The following XKR4 variants were observed in gnomAD, a reference collection of about 807,000 sequenced individuals.
XKR4 encodes XK-related protein 4.
XKR4 carries 12 observed loss-of-function variants against 53.9 expected under a neutral mutation model. The observed-to-expected ratio is 0.22, with a 90% CI of 0.14 to 0.36. XKR4 has a LOEUF of 0.36. Ranked by LOEUF, XKR4 falls within the 10% of genes least tolerant of loss-of-function variation. The pLI is 1.00. For synonymous variants in XKR4, 354 were observed against 362.4 expected (o/e 0.98, Z 0.26); for missense variants, 799 against 859.5 (o/e 0.93, Z 0.88).
intron 2 of XKR4, among the ~76,000 whole-genome samples, chr8:55,488,937 C>CAA (rs1178202704): frequency 0.18 from 162 of 912 alleles, 67 homozygotes; most frequent in Non-Finnish European, 0.23. Context: ...GACTCCGTTT[C>CAA]AAAAAAAAAA....
chr8:55,510,340 G>A (rs538371452), intron 2 of XKR4, among the ~76,000 whole-genome samples: 13 of 152,288 alleles, frequency 8.5e-5, no homozygotes, highest in Non-Finnish European at 1.9e-4. Flanking sequence ...GCGGGAAGGC[G>A]CAATTCTGGA....
chr8:55,146,864 A>T (rs1182929338), intron 1 of XKR4, among the ~76,000 whole-genome samples: 2 of 152,188 alleles, frequency 1.3e-5, no homozygotes, highest in Admixed American at 6.5e-5. Flanking sequence ...CTTGATACAG[A>T]TGCCCTTTGG....
chr8:55,285,848 C>T (rs529084171), intron 1 of XKR4, among the ~76,000 whole-genome samples: 2 of 152,198 alleles, frequency 1.3e-5, no homozygotes, highest in African/African-American at 4.8e-5. Flanking sequence ...ACCCCTCCCC[C>T]AAAACAGCCA....
chr8:55,206,668 A>C lies in XKR4; in HGVS notation c.806+103374A>C, dbSNP rs181691780. On this transcript the variant is annotated intron_variant, in intron 1 of 2. Coordinates refer to ENST00000327381, the MANE Select transcript of XKR4 (RefSeq NM_052898.2). ...AGATAAATCACAAATATTGCCCCTGAAAAAGTTAGACTGTTCACCTTAGCA... is the reference window on the plus strand; with the variant it reads ...AGATAAATCACAAATATTGCCCCTGCAAAAGTTAGACTGTTCACCTTAGCA... 6.5e-4 allele frequency among the ~76,000 whole-genome samples: 99 copies of C among 152,354 alleles called. 2 individuals carry two copies. In the East Asian group the frequency reaches 0.019, roughly 28 times the overall value.
intron 1 of XKR4, among the ~76,000 whole-genome samples, chr8:55,303,295 A>G (rs1304668732): frequency 6.6e-6 from 1 of 152,238 alleles, no homozygotes; most frequent in African/African-American, 2.4e-5. Flanking sequence ...ATGCTGGATT[A>G]CATTTATTGA....
At chr8:55,402,824 A>G (rs2129390138) in intron 2 of XKR4, among the ~76,000 whole-genome samples, 1 of 152,292 alleles carries the variant, frequency 6.6e-6, no homozygotes, top group East Asian at 1.9e-4. Context: ...CTGGAGCCAG[A>G]TGAATGGATA....
Position 55,443,530 on chromosome 8 carries a change from T to TAAAAAAAAAA in XKR4, c.1007-79734_1007-79725dup, listed in dbSNP as rs751152509. Among the ~76,000 whole-genome samples the TAAAAAAAAAA allele has an allele frequency of 5.0e-4, 37 of 74,008 alleles. 2 individuals are homozygous for TAAAAAAAAAA. The highest frequency in any genetic ancestry group is 1.3e-3 in the East Asian group (3 of 2,300). 48.6% of individuals were successfully genotyped at this position (74,008 alleles called of 152,430 possible). ...TTTGTAGATTTATAATCAGTTACAT[T>TAAAAAAAAAA]AAAAAAAAAAAAAAAAAAAAAAAAA... On this transcript the variant is annotated intron_variant, in intron 2 of 2. Coordinates refer to ENST00000327381, the MANE Select transcript of XKR4 (RefSeq NM_052898.2).
At chr8:55,361,631 G>A (rs776448092) in intron 2 of XKR4, among the ~76,000 whole-genome samples, 7 of 151,820 alleles carry the variant, frequency 4.6e-5, no homozygotes, top group African/African-American at 9.7e-5. Context: ...TCCTAGAGCC[G>A]CTTAGACTCT....
chr8:55,206,254 C>T (rs1013895038), intron 1 of XKR4, among the ~76,000 whole-genome samples: 5 of 152,162 alleles, frequency 3.3e-5, no homozygotes, highest in African/African-American at 1.2e-4. Flanking sequence ...TTATTTGGCC[C>T]CACCCACGTC....
intron 1 of XKR4, among the ~76,000 whole-genome samples, chr8:55,190,233 G>T (rs752178556): frequency 3.1e-4 from 47 of 152,306 alleles, no homozygotes; most frequent in African/African-American, 1.0e-3. Context: ...GAGGAGGAAG[G>T]ACCATCAAGC....
At chr8:55,449,318 C>T (rs922516133) in intron 2 of XKR4, among the ~76,000 whole-genome samples, 1 of 152,154 alleles carries the variant, frequency 6.6e-6, no homozygotes, top group Non-Finnish European at 1.5e-5. Flanking sequence ...TCAGCTGTGA[C>T]GCCGAAATAA....
intron 2 of XKR4, among the ~76,000 whole-genome samples, chr8:55,513,967 A>G (rs1443686225): frequency 6.6e-6 from 1 of 152,122 alleles, no homozygotes; most frequent in Non-Finnish European, 1.5e-5. Flanking sequence ...CCCACCTCCT[A>G]TTTTTTCATC....
At chr8:55,351,711 C>T (rs1159968514) in intron 1 of XKR4, among the ~76,000 whole-genome samples, 1 of 152,214 alleles carries the variant, frequency 6.6e-6, no homozygotes, top group Non-Finnish European at 1.5e-5. Context: ...CAGCCAACAT[C>T]ACTGGCCCCC....
At chr8:55,207,280 A>T (rs13250310) in intron 1 of XKR4, among the ~76,000 whole-genome samples, 31,106 of 151,950 alleles carry the variant, frequency 0.2, 3,646 homozygotes, top group Middle Eastern at 0.37. Flanking sequence ...CCTGCCCAAC[A>T]CCCCTGTTCC....
intron 2 of XKR4, among the ~76,000 whole-genome samples, chr8:55,455,749 G>A (rs748689967): frequency 6.6e-6 from 1 of 152,164 alleles, no homozygotes; most frequent in Admixed American, 6.5e-5. Context: ...AAGAAAGCCA[G>A]GTGGGAAAGT....
At chr8:55,289,691 GAAAGAGAA>G (rs1336753769) in intron 1 of XKR4, among the ~76,000 whole-genome samples, 12 of 128,568 alleles carry the variant, frequency 9.3e-5, no homozygotes, top group Admixed American at 4.0e-4. Flanking sequence ...AAGAAAGAAA[GAAAGAGAA>G]AGAAAGAAAG....
chr8:55,186,722 G>C (rs1364742109), intron 1 of XKR4, among the ~76,000 whole-genome samples: 7 of 152,186 alleles, frequency 4.6e-5, no homozygotes, highest in Admixed American at 2.0e-4. Context: ...ATAATCAACT[G>C]TGTATTCTTT....
intron 2 of XKR4, chr8:55,454,120 G>A (rs1473347472): frequency 2.4e-6 from 2 of 848,700 alleles, no homozygotes; most frequent in Non-Finnish European, 4.1e-6. Context: ...GTGGAGGGAA[G>A]GCGAGGTCAA....
At chr8:55,441,491 AT>A (rs1274213458) in intron 2 of XKR4, among the ~76,000 whole-genome samples, 3 of 152,172 alleles carry the variant, frequency 2.0e-5, no homozygotes, top group Non-Finnish European at 4.4e-5. Flanking sequence ...TGAAAAATGC[AT>A]TTTTTAAGCT....
Sources: allele counts gnomAD v4.1 joint callset (sites outside exome capture counted in the v4.1 genomes callset), GRCh38; gene constraint gnomAD v4.1.1; transcripts MANE v1.5; gene names NCBI Gene and HGNC (gene_info 2026-07-23, HGNC 2026-07-21).